HELZ: variants seen among roughly 807,000 people sequenced by gnomAD.
HELZ encodes the protein ATP-dependent RNA helicase with zinc finger domain.
In HELZ, 23 loss-of-function variants were observed where a neutral mutation model predicts 218.2. The observed-to-expected ratio is 0.11, with a 90% confidence interval of 0.08 to 0.15. HELZ has a LOEUF of 0.15. HELZ is among the 10% of genes least tolerant of loss of function. HELZ has a pLI of 1.00. For missense variants in HELZ, 1,813 were observed against 2,353.7 expected, an observed-to-expected ratio of 0.77 and a Z score of 4.75; for synonymous variants, 814 against 829.4, an observed-to-expected ratio of 0.98 and a Z score of 0.32.
At chr17:67,168,540 T>C (rs186390203) in intron 13 of HELZ, among the ~76,000 whole-genome samples, 4 of 152,332 alleles carry the variant, frequency 2.6e-5, no homozygotes, top group Admixed American at 2.6e-4. Flanking sequence ...TTTAAACCAA[T>C]TACTTTCCAA....
intron 5 of HELZ, among the ~76,000 whole-genome samples, chr17:67,207,453 C>T (rs1359582315): frequency 6.6e-6 from 1 of 151,958 alleles, no homozygotes; most frequent in Non-Finnish European, 1.5e-5. Context: ...CTCCTGACCT[C>T]AGGTGATCCA....
At chr17:67,142,169 A>G (rs943918201) in intron 21 of HELZ, among the ~76,000 whole-genome samples, 1 of 152,204 alleles carries the variant, frequency 6.6e-6, no homozygotes, top group African/African-American at 2.4e-5. Flanking sequence ...AGAGAAAAAA[A>G]GGGCTGAGGT....
chr17:67,103,174 G>GA (rs964931141), intron 31 of HELZ, among the ~76,000 whole-genome samples: 11 of 151,920 alleles, frequency 7.2e-5, no homozygotes, highest in African/African-American at 2.7e-4. Context: ...CATAAAAACA[G>GA]AAAAAAATTG....
intron 20 of HELZ, among the ~76,000 whole-genome samples, chr17:67,148,285 C>T (rs541564292): frequency 6.6e-6 from 1 of 152,270 alleles, no homozygotes; most frequent in Admixed American, 6.5e-5. Context: ...GAAAGGAATT[C>T]CCTACATTCG....
intron 31 of HELZ, among the ~76,000 whole-genome samples, chr17:67,090,643 T>A (rs1252979721): frequency 2.0e-5 from 3 of 152,152 alleles, no homozygotes; most frequent in Non-Finnish European, 4.4e-5. Context: ...TCATTTTATC[T>A]ATGTTGCTGA....
intron 3 of HELZ, among the ~76,000 whole-genome samples, chr17:67,230,038 C>G (rs763536301): frequency 2.6e-5 from 4 of 152,106 alleles, no homozygotes; most frequent in Non-Finnish European, 4.4e-5. Flanking sequence ...AAAGAAATAT[C>G]CTGATGGGCC....
chr17:67,145,954 G>GAAA, intron 20 of HELZ, 64 bp from the exon 21 acceptor site: 14 of 1,272,570 alleles, frequency 1.1e-5, no homozygotes, highest in South Asian at 3.0e-5. Context: ...TCACCCATAA[G>GAAA]AAAAAAAAAA....
intron 3 of HELZ, among the ~76,000 whole-genome samples, chr17:67,231,667 A>G (rs1350375589): frequency 1.3e-5 from 2 of 152,070 alleles, no homozygotes; most frequent in Non-Finnish European, 2.9e-5. Context: ...AACCTAAGAC[A>G]TTAACAATGG....
intron 6 of HELZ, 151 bp downstream of exon 6, chr17:67,203,168 G>T: frequency 1.5e-6 from 1 of 683,078 alleles, no homozygotes; most frequent in Non-Finnish European, 2.4e-6. Context: ...AGAAAAATGG[G>T]TACTATATCT....
At chr17:67,223,434 A>T (rs1280452775) in intron 3 of HELZ, among the ~76,000 whole-genome samples, 2 of 151,172 alleles carry the variant, frequency 1.3e-5, no homozygotes, top group Non-Finnish European at 2.9e-5. Flanking sequence ...ATCTGTCTTG[A>T]CTCTTTCTCT....
chr17:67,104,502 G>A (rs2037036159), intron 31 of HELZ, among the ~76,000 whole-genome samples: 1 of 150,488 alleles, frequency 6.6e-6, no homozygotes, highest in African/African-American at 2.4e-5. Flanking sequence ...TCTTGGATTA[G>A]GCCAGGGTTT....
chr17:67,137,079 C>T (rs1474048256), intron 22 of HELZ, among the ~76,000 whole-genome samples: 3 of 152,066 alleles, frequency 2.0e-5, no homozygotes, highest in African/African-American at 4.8e-5. Flanking sequence ...CTCTGGCCAA[C>T]GAGGGCACGC....
intron 24 of HELZ, among the ~76,000 whole-genome samples, chr17:67,127,388 C>T (rs1400112603): frequency 2.0e-5 from 3 of 152,082 alleles, no homozygotes; most frequent in Non-Finnish European, 4.4e-5. Context: ...ATGTGTGATA[C>T]CCTAAAAATG....
intron 12 of HELZ, among the ~76,000 whole-genome samples, chr17:67,182,773 T>C (rs1003523835): frequency 6.6e-6 from 1 of 152,232 alleles, no homozygotes; most frequent in Non-Finnish European, 1.5e-5. Context: ...ATTTCCCAAC[T>C]TCCCTTGGCC....
chr17:67,136,270 AT>A (rs961283448), intron 22 of HELZ, 72 bp from the exon 23 acceptor site: 4 of 1,007,750 alleles, frequency 4.0e-6, no homozygotes, highest in Non-Finnish European at 5.9e-6. Flanking sequence ...AAAGCATTGC[AT>A]TTTTTAAAAT....
chr17:67,226,824 T>C (rs1057254194), intron 3 of HELZ, among the ~76,000 whole-genome samples: 4 of 152,222 alleles, frequency 2.6e-5, no homozygotes, highest in Non-Finnish European at 5.9e-5. Context: ...AAGTATTCAA[T>C]ATATGCAATA....
intron 5 of HELZ, among the ~76,000 whole-genome samples, chr17:67,206,569 C>T (rs1356612301): frequency 6.7e-6 from 1 of 150,102 alleles, no homozygotes; most frequent in East Asian, 1.9e-4. Flanking sequence ...ATATTCTCTA[C>T]TGTTTTCAGT....
rs748578248 is a variant in HELZ, at chr17:67,120,412, A to G, written c.3831T>C (p.Asn1277=). ...QHQEKDQHEQ[N]RNGKSDTNNS... ...CAGCGAAGTACAACTTACCATTTCG[A>G]TTTTGCTCATGTTGATCCTTCTCCT... Residue 1277 remains asparagine (N), a synonymous_variant, in exon 27 of 33, where the codon AAT becomes AAC. Transcript: ENST00000358691. The G allele has an allele frequency of 6.2e-7, 1 of 1,613,678 alleles. No homozygotes were observed. The highest frequency in any genetic ancestry group is 8.5e-7 in the Non-Finnish European group (1 of 1,179,724).
chr17:67,245,096 GGGAGCTCGCGGAGCGGCCCCA>G, intron 1 of HELZ, 31 bp downstream of exon 1: 1 of 984,844 alleles, frequency 1.0e-6, no homozygotes, highest in Non-Finnish European at 1.2e-6. Flanking sequence ...GGAGAGCTCC[GGGAGCTCGCGGAGCGGCCCCA>G]GGAGCAGAGA....
Sources: gnomAD v4.1 joint callset for allele counts (sites outside exome capture counted in the v4.1 genomes callset) on GRCh38, gnomAD v4.1.1 for gene constraint, MANE v1.5 for transcripts, NCBI Gene and HGNC (gene_info 2026-07-23, HGNC 2026-07-21) for gene names.